LPP: variants seen among roughly 807,000 people sequenced by gnomAD.
The protein encoded by LPP is lipoma-preferred partner.
In LPP, 38 loss-of-function variants were observed where a neutral mutation model predicts 60.4. That is an observed-to-expected ratio of 0.63 (90% CI 0.49 to 0.83). The LOEUF (loss-of-function observed/expected upper bound fraction) is 0.83, where lower values mean the gene tolerates loss of function less well. LPP is among the 40% of genes least tolerant of loss of function. The pLI is 0.00. For missense variants in LPP, 902 were observed against 783.6 expected (o/e 1.15, Z -1.80); for synonymous variants, 328 against 290.8 (o/e 1.13, Z -1.30).
intron 7 of LPP, among the ~76,000 whole-genome samples, chr3:188,647,136 T>G (rs1851246109): frequency 6.6e-6 from 1 of 152,252 alleles, no homozygotes; most frequent in South Asian, 2.1e-4. Flanking sequence ...CTACTCTGGA[T>G]TTCCCTGTGT....
chr3:188,791,787 CT>C lies in LPP; in HGVS notation c.1410+31506del. Among the ~76,000 whole-genome samples the C allele has an allele frequency of 1.3e-5, 2 of 152,244 alleles. 1 individual carries two copies. The highest frequency in any genetic ancestry group is 4.2e-4 in the South Asian group (2 of 4,816). On this transcript the variant is annotated intron_variant, in intron 9 of 11. Transcript: ENST00000617246. ...GATTGCGTTGTCCTGCTCATATGTC[CT>C]GCTCAGAGCATGCTGCATGTCTCAC...
chr3:188,732,905 G>A (rs1219999703), intron 8 of LPP, among the ~76,000 whole-genome samples: 1 of 151,932 alleles, frequency 6.6e-6, no homozygotes, highest in Non-Finnish European at 1.5e-5. Context: ...AGTTGAGAAA[G>A]TTCTTTTTGT....
At chr3:188,745,017 A>C (rs1385768218) in intron 8 of LPP, among the ~76,000 whole-genome samples, 2 of 151,820 alleles carry the variant, frequency 1.3e-5, no homozygotes, top group East Asian at 3.9e-4. Context: ...AACAGGGTAA[A>C]CTGTTCTCCC....
chr3:188,765,297 AACACACACACAC>A lies in LPP; in HGVS notation c.1410+5046_1410+5057del, dbSNP rs60149759. 3.2e-3 allele frequency among the ~76,000 whole-genome samples: 465 copies of A among 144,062 alleles called. 2 individuals are homozygous for A. The highest frequency in any genetic ancestry group is 8.7e-3 in the South Asian group (37 of 4,256). The allele number at this position is 144,062 out of a possible 152,430, so 94.5% of individuals were successfully genotyped here. A position where few individuals can be genotyped will look rare whatever the true frequency, so the allele number is the denominator to read the frequency against. On this transcript the variant is annotated intron_variant, in intron 9 of 11. Transcript: ENST00000617246. Reference sequence around the variant, plus strand: ...TCTTGTCTCTCTTTCTGTCTCACACAACACACACACACACACACACACACACACACACACACA... The same window carrying A: ...TCTTGTCTCTCTTTCTGTCTCACACAACACACACACACACACACACACACA...
Position 188,874,722 on chromosome 3 carries a change from A to T in LPP, c.*243A>T. The T allele has an allele frequency of 2.4e-6, 1 of 421,602 alleles. No homozygotes were observed. Among genetic ancestry groups the T allele is most frequent in the Non-Finnish European group, 4.3e-6 (1 of 231,040 alleles). 26.1% of individuals were successfully genotyped at this position (421,602 alleles called of 1,614,324 possible). ...CAAGGACTTCCACATTTTTGCACAGATTATGCTCCATCCCATTCACTTCTG... is the reference window on the plus strand; with the variant it reads ...CAAGGACTTCCACATTTTTGCACAGTTTATGCTCCATCCCATTCACTTCTG... On this transcript the variant is annotated 3_prime_UTR_variant, in exon 12 of 12. Transcript: ENST00000617246.
At chr3:188,677,132 C>T (rs1429341623) in intron 7 of LPP, among the ~76,000 whole-genome samples, 5 of 152,144 alleles carry the variant, frequency 3.3e-5, no homozygotes, top group Non-Finnish European at 4.4e-5. Flanking sequence ...CCCAGCCTAA[C>T]TTTGCTTGTA....
intron 3 of LPP, among the ~76,000 whole-genome samples, chr3:188,368,884 G>A (rs1055253739): frequency 2.0e-5 from 3 of 152,006 alleles, no homozygotes; most frequent in Non-Finnish European, 2.9e-5. Flanking sequence ...TTGAAAACTG[G>A]TTTACCTGAA....
intron 2 of LPP, among the ~76,000 whole-genome samples, chr3:188,286,162 G>C (rs746083263): frequency 6.6e-6 from 1 of 152,152 alleles, no homozygotes; most frequent in Non-Finnish European, 1.5e-5. Context: ...GTGTGGGCCT[G>C]ATTTGTCCAT....
At chr3:188,242,151 A>G (rs1371514595) in intron 2 of LPP, among the ~76,000 whole-genome samples, 1 of 152,224 alleles carries the variant, frequency 6.6e-6, no homozygotes, top group African/African-American at 2.4e-5. Flanking sequence ...CCTTAAATAT[A>G]TGGCACACAT....
intron 2 of LPP, among the ~76,000 whole-genome samples, chr3:188,266,572 G>A (rs1735652209): frequency 6.6e-6 from 1 of 151,168 alleles, no homozygotes; most frequent in African/African-American, 2.5e-5. Context: ...GAGAGAGAGA[G>A]AAAGGAAATC....
At chr3:188,169,503 T>G (rs1030758087) in intron 1 of LPP, among the ~76,000 whole-genome samples, 1 of 152,170 alleles carries the variant, frequency 6.6e-6, no homozygotes, top group East Asian at 1.9e-4. Context: ...TTTCCCAAAG[T>G]GTTAAGGCTG....
chr3:188,620,114 AT>A (rs777841144), intron 7 of LPP, among the ~76,000 whole-genome samples: 1 of 152,196 alleles, frequency 6.6e-6, no homozygotes, highest in Non-Finnish European at 1.5e-5. Flanking sequence ...GTATTTTTAT[AT>A]AATAACATTT....
chr3:188,537,633 G>C (rs376509356), intron 6 of LPP, among the ~76,000 whole-genome samples: 1 of 152,160 alleles, frequency 6.6e-6, no homozygotes, highest in African/African-American at 2.4e-5. Context: ...GACATCTTCT[G>C]TTGATTAGTT....
intron 6 of LPP, among the ~76,000 whole-genome samples, chr3:188,608,679 A>G (rs1013799438): frequency 3.9e-5 from 6 of 152,142 alleles, no homozygotes; most frequent in Admixed American, 6.6e-5. Flanking sequence ...TGTGAGTTTT[A>G]GAATTGTTTT....
chr3:188,704,471 A>G (rs1257390316), intron 7 of LPP, among the ~76,000 whole-genome samples: 1 of 152,160 alleles, frequency 6.6e-6, no homozygotes, highest in East Asian at 1.9e-4. Context: ...GTCATAGTCA[A>G]ATCTCTGTCT....
At chr3:188,595,515 G>A (rs1839818933) in intron 6 of LPP, among the ~76,000 whole-genome samples, 1 of 152,118 alleles carries the variant, frequency 6.6e-6, no homozygotes, top group African/African-American at 2.4e-5. Flanking sequence ...TTGTACCATG[G>A]TCAAAATAAT....
At chr3:188,871,836 T>C (rs780848889) in intron 10 of LPP, among the ~76,000 whole-genome samples, 1 of 152,194 alleles carries the variant, frequency 6.6e-6, no homozygotes, top group Non-Finnish European at 1.5e-5. Context: ...GTACCATTGA[T>C]CATATTGAGA....
At chr3:188,403,483 T>C (rs1179298057) in intron 3 of LPP, among the ~76,000 whole-genome samples, 1 of 152,242 alleles carries the variant, frequency 6.6e-6, no homozygotes, top group Non-Finnish European at 1.5e-5. Context: ...ATACTACCAA[T>C]GTGCATAATG....
chr3:188,283,696 C>T (rs1335249540), intron 2 of LPP, among the ~76,000 whole-genome samples: 1 of 152,152 alleles, frequency 6.6e-6, no homozygotes, highest in Admixed American at 6.6e-5. Context: ...CTGCAAGAGA[C>T]ATGTTTGACA....
Sources: allele counts gnomAD v4.1 joint callset (sites outside exome capture counted in the v4.1 genomes callset), GRCh38; gene constraint gnomAD v4.1.1; transcripts MANE v1.5; gene names NCBI Gene and HGNC (gene_info 2026-07-23, HGNC 2026-07-21).